The following RALGAPA1 variants were observed in gnomAD, a reference collection of about 807,000 sequenced individuals.
RALGAPA1 encodes the protein Ral GTPase activating protein catalytic subunit alpha 1.
RALGAPA1 carries 52 observed loss-of-function variants against 269.6 expected under a neutral mutation model. The ratio of observed to expected loss-of-function variants is 0.19; its 90% CI spans 0.15 to 0.24. The LOEUF (loss-of-function observed/expected upper bound fraction) is 0.24. Among genes scored for constraint, RALGAPA1 ranks in the 10% least tolerant of loss-of-function variants. The pLI is 1.00. For synonymous variants in RALGAPA1, 817 were observed against 1,008.3 expected, an observed-to-expected ratio of 0.81 and a Z score of 3.60; for missense variants, 1,917 against 3,013.9, an observed-to-expected ratio of 0.64 and a Z score of 8.52.
chr14:35,696,466 T>A (rs2066909133), intron 17 of RALGAPA1, among the ~76,000 whole-genome samples: 1 of 152,110 alleles, frequency 6.6e-6, no homozygotes, highest in Non-Finnish European at 1.5e-5. Flanking sequence ...TATATAAAGC[T>A]ATATCATATA....
At chr14:35,594,495 G>C (rs2058816958) in intron 37 of RALGAPA1, among the ~76,000 whole-genome samples, 1 of 152,042 alleles carries the variant, frequency 6.6e-6, no homozygotes, top group South Asian at 2.1e-4. Context: ...CATTATTGAG[G>C]ACCTAAACAG....
intron 16 of RALGAPA1, among the ~76,000 whole-genome samples, chr14:35,706,224 T>G (rs2067790332): frequency 6.6e-6 from 1 of 152,226 alleles, no homozygotes; most frequent in Non-Finnish European, 1.5e-5. Context: ...ACCCAAGGTG[T>G]CCTAGACTTT....
At chr14:35,657,441 C>T (rs1340307484) in intron 28 of RALGAPA1, among the ~76,000 whole-genome samples, 2 of 151,846 alleles carry the variant, frequency 1.3e-5, no homozygotes, top group Non-Finnish European at 2.9e-5. Flanking sequence ...CCACTCTCCT[C>T]GGCCTCCCAA....
chr14:35,676,071 T>C (rs1348952648), intron 22 of RALGAPA1, among the ~76,000 whole-genome samples: 1 of 152,186 alleles, frequency 6.6e-6, no homozygotes, highest in Admixed American at 6.5e-5. Context: ...TGTTAACCAT[T>C]ATTGCTAATG....
chr14:35,568,780 C>T (rs775146552), intron 39 of RALGAPA1, among the ~76,000 whole-genome samples: 4 of 152,306 alleles, frequency 2.6e-5, no homozygotes, highest in Admixed American at 6.5e-5. Flanking sequence ...GTCTTCAAAA[C>T]AATCTTCAGA....
rs559706440 is a variant in RALGAPA1, at chr14:35,583,202, A to G, written c.7210-10484T>C. ...TTAACATGCTATGGGGCTCTAATGG[A>G]AAAAGTAGACAACATTTAAGAACAG... is the stretch of plus-strand genomic sequence containing the variant. On this transcript the variant is annotated intron_variant, in intron 37 of 41. Coordinates refer to ENST00000680220, the MANE Select transcript of RALGAPA1 (RefSeq NM_001346249.2). Among the ~76,000 whole-genome samples, 31 of 152,316 alleles carry G rather than the reference A, an allele frequency of 2.0e-4. 1 individual carries two copies. The South Asian group carries it at 6.0e-3, about 30-fold the overall frequency.
At position 35,648,044 on chromosome 14, in the gene RALGAPA1, G is replaced by A. The variant is rs553247135; in HGVS notation, c.5676+3761C>T. The stretch of plus-strand genomic sequence containing the variant: ...TGTAAACCCAGCACTTTGGGAGGTC[G>A]GGCGGGTGGATCACCAGGTCAGGAG... On this transcript the variant is annotated intron_variant, in intron 31 of 41. Coordinates refer to ENST00000680220, the MANE Select transcript of RALGAPA1 (RefSeq NM_001346249.2). 1.0e-3 allele frequency among the ~76,000 whole-genome samples: 159 copies of A among 151,930 alleles called. 1 individual carries two copies. Among genetic ancestry groups the A allele is most frequent in the Non-Finnish European group, 6.9e-4 (47 of 67,944 alleles).
At chr14:35,695,501 G>A (rs1029899509) in intron 17 of RALGAPA1, among the ~76,000 whole-genome samples, 4 of 151,930 alleles carry the variant, frequency 2.6e-5, no homozygotes, top group Admixed American at 6.6e-5. Context: ...ATAACATATC[G>A]TTAATAAAAA....
intron 1 of RALGAPA1, among the ~76,000 whole-genome samples, chr14:35,779,043 A>C (rs2075254620): frequency 6.6e-6 from 1 of 152,224 alleles, no homozygotes; most frequent in Non-Finnish European, 1.5e-5. Context: ...TTCAGCCTCC[A>C]ATGTAATACA....
intron 33 of RALGAPA1, among the ~76,000 whole-genome samples, chr14:35,634,336 C>T (rs1335751805): frequency 6.6e-6 from 1 of 152,132 alleles, no homozygotes; most frequent in Non-Finnish European, 1.5e-5. Flanking sequence ...ACTTCTGGTC[C>T]CATGCATTTC....
chr14:35,603,272 T>C (rs2059402729), intron 36 of RALGAPA1, among the ~76,000 whole-genome samples: 1 of 152,214 alleles, frequency 6.6e-6, no homozygotes, highest in African/African-American at 2.4e-5. Context: ...TTACTAATAC[T>C]TTTATGGTAT....
chr14:35,744,701 C>T (rs879294072), intron 10 of RALGAPA1, among the ~76,000 whole-genome samples: 5 of 152,122 alleles, frequency 3.3e-5, no homozygotes, highest in Non-Finnish European at 5.9e-5. Context: ...CAACTCATTC[C>T]TAAATTATCA....
At position 35,605,726 on chromosome 14, in the gene RALGAPA1, T is replaced by C. The variant is rs1194427033; in HGVS notation, c.6930-17A>G. On this transcript the variant is annotated splice_polypyrimidine_tract_variant and intron_variant, in intron 35 of 41. Coordinates refer to ENST00000680220, the MANE Select transcript of RALGAPA1 (RefSeq NM_001346249.2). Reference sequence around the variant, plus strand: ...GTCTCTCGGCTATAAAACAAAAGATTACACCATTAATTTAATCACTATTTT... The same window carrying C: ...GTCTCTCGGCTATAAAACAAAAGATCACACCATTAATTTAATCACTATTTT... 6.2e-7 allele frequency: 1 copy of C among 1,601,724 alleles called. No homozygotes were observed. The highest frequency in any genetic ancestry group is 2.2e-5 in the East Asian group (1 of 44,646).
chr14:35,562,025 G>T lies in RALGAPA1; in HGVS notation c.7496+8592C>A, dbSNP rs115876983. On this transcript the variant is annotated intron_variant, in intron 39 of 41. Transcript: ENST00000680220. ...TTGAAGAATTATCTTCTCTTCTTTT[G>T]AAGAGAATGACCATAACTATACATC... Among the ~76,000 whole-genome samples the T allele has an allele frequency of 5.2e-3, 787 of 152,190 alleles. 7 individuals carry two copies. Among genetic ancestry groups the T allele is most frequent in the African/African-American group, 0.018 (742 of 41,516 alleles).
At chr14:35,571,325 G>A (rs1414063367) in intron 38 of RALGAPA1, among the ~76,000 whole-genome samples, 1 of 152,040 alleles carries the variant, frequency 6.6e-6, no homozygotes, top group Admixed American at 6.5e-5. Flanking sequence ...GGATAAGATG[G>A]TAAATATTTT....
intron 28 of RALGAPA1, 137 bp from the exon 29 acceptor site, chr14:35,656,052 T>C (rs2063155454): frequency 6.9e-7 from 1 of 1,457,654 alleles, no homozygotes; most frequent in East Asian, 2.6e-5. Context: ...CATTAACTGG[T>C]AACCAAAGAA....
intron 39 of RALGAPA1, among the ~76,000 whole-genome samples, chr14:35,551,789 A>G (rs1406138480): frequency 6.6e-6 from 1 of 152,128 alleles, no homozygotes; most frequent in African/African-American, 2.4e-5. Flanking sequence ...ACAGCTGCAC[A>G]AAACTAAAAT....
intron 39 of RALGAPA1, among the ~76,000 whole-genome samples, chr14:35,568,748 C>T (rs1244709119): frequency 6.6e-6 from 1 of 152,172 alleles, no homozygotes; most frequent in Non-Finnish European, 1.5e-5. Context: ...CCTAATGCTT[C>T]AAACAATCAA....
At chr14:35,640,825 C>T (rs2061979999) in intron 31 of RALGAPA1, among the ~76,000 whole-genome samples, 1 of 152,068 alleles carries the variant, frequency 6.6e-6, no homozygotes, top group Admixed American at 6.5e-5. Flanking sequence ...ATGCAAAAAT[C>T]CTCGACAAAA....
Sources: gnomAD v4.1 joint callset for allele counts (sites outside exome capture counted in the v4.1 genomes callset) on GRCh38, gnomAD v4.1.1 for gene constraint, MANE v1.5 for transcripts, NCBI Gene and HGNC (gene_info 2026-07-23, HGNC 2026-07-21) for gene names.